Variants in CHRM3 observed in about 807,000 individuals in gnomAD.
The protein encoded by CHRM3 is muscarinic acetylcholine receptor M3.
Under a neutral mutation model 41.8 loss-of-function variants are expected in CHRM3, and 11 were observed. That is an observed-to-expected ratio of 0.26 (90% CI 0.17 to 0.44). CHRM3 has a LOEUF of 0.44. Among genes scored for constraint, CHRM3 ranks in the 20% least tolerant of loss-of-function variants. The pLI is 1.00. For missense variants in CHRM3, 571 were observed against 745.4 expected (o/e 0.77, Z 2.72); for synonymous variants, 297 against 301.4 (o/e 0.99, Z 0.15).
chr1:239,400,958 T>G (rs1414891968), intron 1 of CHRM3, among the ~76,000 whole-genome samples: 1 of 152,162 alleles, frequency 6.6e-6, no homozygotes, highest in Admixed American at 6.6e-5. Flanking sequence ...AGAAGCTCAG[T>G]GAATCCAGGT....
intron 5 of CHRM3, among the ~76,000 whole-genome samples, chr1:239,687,121 TTAA>T (rs1047499899): frequency 6.6e-6 from 1 of 151,598 alleles, no homozygotes; most frequent in Non-Finnish European, 1.5e-5. Context: ...ATACTATATT[TTAA>T]TAATAATAAA....
intron 1 of CHRM3, among the ~76,000 whole-genome samples, chr1:239,437,940 A>G (rs1380821537): frequency 6.6e-6 from 1 of 152,150 alleles, no homozygotes; most frequent in African/African-American, 2.4e-5. Context: ...TATGTTCCTA[A>G]CACTTTGCTC....
At chr1:239,670,504 T>A (rs925426189) in intron 4 of CHRM3, among the ~76,000 whole-genome samples, 1 of 152,074 alleles carries the variant, frequency 6.6e-6, no homozygotes, top group Non-Finnish European at 1.5e-5. Flanking sequence ...TGATGGATAA[T>A]TGTTTTTTGG....
At chr1:239,691,863 C>T (rs956334339) in intron 5 of CHRM3, among the ~76,000 whole-genome samples, 2 of 152,090 alleles carry the variant, frequency 1.3e-5, no homozygotes, top group African/African-American at 4.8e-5. Context: ...ATTTGAGAAT[C>T]CCCCCTAAAG....
rs58433814 is a variant in CHRM3 at position 239,531,639 on chromosome 1, A to ATTTTTTTTTTTTTTTTT, written c.-421-13981_-421-13965dup. On this transcript the variant is annotated intron_variant, in intron 2 of 6. Transcript: ENST00000676153. ...ATAAAAACTAATCTCTCTAGAATGG[A>ATTTTTTTTTTTTTTTTT]TTTTTTTTTTTTTTTTTTTTTTTTT... Among the ~76,000 whole-genome samples, 4 of 55,900 alleles carry ATTTTTTTTTTTTTTTTT rather than the reference A, an allele frequency of 7.2e-5. 1 individual carries two copies. The highest frequency in any genetic ancestry group is 1.2e-4 in the Non-Finnish European group (4 of 33,806). 36.7% of individuals were successfully genotyped at this position (55,900 alleles called of 152,430 possible).
chr1:239,611,608 A>C (rs898097798), intron 3 of CHRM3, among the ~76,000 whole-genome samples: 8 of 151,832 alleles, frequency 5.3e-5, no homozygotes, highest in African/African-American at 1.9e-4. Context: ...TTTAGTAGAG[A>C]TGGGGTTTCA....
At chr1:239,828,041 T>C (rs1056344238) in intron 6 of CHRM3, among the ~76,000 whole-genome samples, 5 of 152,330 alleles carry the variant, frequency 3.3e-5, no homozygotes, top group African/African-American at 1.2e-4. Context: ...ATTAAACACC[T>C]ACTACGTTCT....
At chr1:239,604,168 G>GT (rs1249995887) in intron 3 of CHRM3, among the ~76,000 whole-genome samples, 8 of 152,060 alleles carry the variant, frequency 5.3e-5, no homozygotes, top group African/African-American at 9.7e-5. Context: ...TCATGTCTGT[G>GT]TTTTTTGTGT....
chr1:239,561,209 C>G (rs1660825226), intron 3 of CHRM3, among the ~76,000 whole-genome samples: 1 of 152,196 alleles, frequency 6.6e-6, no homozygotes, highest in African/African-American at 2.4e-5. Flanking sequence ...ACAAGAAATT[C>G]AGTTAATGTC....
At chr1:239,719,351 G>C (rs1396163954) in intron 5 of CHRM3, among the ~76,000 whole-genome samples, 2 of 151,884 alleles carry the variant, frequency 1.3e-5, no homozygotes, top group African/African-American at 4.8e-5. Context: ...TTGCATTCAG[G>C]TAAAACCAAT....
chr1:239,490,583 C>T (rs6703691), intron 1 of CHRM3, among the ~76,000 whole-genome samples: 143,341 of 152,004 alleles, frequency 0.94, 68,173 homozygotes, highest in Non-Finnish European at 1. Context: ...TACTATTTAT[C>T]TTTTGAGATG....
At chr1:239,661,115 G>A (rs980434446) in intron 4 of CHRM3, among the ~76,000 whole-genome samples, 6 of 152,128 alleles carry the variant, frequency 3.9e-5, no homozygotes, top group African/African-American at 1.4e-4. Context: ...TTATATCCCA[G>A]CACCTACCAA....
At chr1:239,812,946 T>A (rs1671231244) in intron 5 of CHRM3, among the ~76,000 whole-genome samples, 1 of 152,192 alleles carries the variant, frequency 6.6e-6, no homozygotes, top group South Asian at 2.1e-4. Context: ...TCCTGAACGG[T>A]CTCTTGCAGA....
At chr1:239,510,131 T>C (rs1275625591) in intron 2 of CHRM3, among the ~76,000 whole-genome samples, 1 of 152,200 alleles carries the variant, frequency 6.6e-6, no homozygotes, top group Non-Finnish European at 1.5e-5. Context: ...GCTATTTACC[T>C]TACCTTTGTG....
chr1:239,521,422 T>C (rs1394006755), intron 2 of CHRM3, among the ~76,000 whole-genome samples: 1 of 152,220 alleles, frequency 6.6e-6, no homozygotes, highest in African/African-American at 2.4e-5. Flanking sequence ...GAAGGCAGCT[T>C]CCTTCCAGAA....
At chr1:239,595,036 C>T (rs1664633313) in intron 3 of CHRM3, among the ~76,000 whole-genome samples, 1 of 152,196 alleles carries the variant, frequency 6.6e-6, no homozygotes, top group Non-Finnish European at 1.5e-5. Context: ...TTATGGTGAG[C>T]CAAGATTGTG....
chr1:239,552,674 A>C (rs1659988479), intron 3 of CHRM3, among the ~76,000 whole-genome samples: 1 of 140,636 alleles, frequency 7.1e-6, no homozygotes, highest in African/African-American at 2.6e-5. Flanking sequence ...TTATTTTTGT[A>C]GAGACGGGGT....
chr1:239,702,693 C>T (rs531752139), intron 5 of CHRM3, among the ~76,000 whole-genome samples: 1 of 152,362 alleles, frequency 6.6e-6, no homozygotes, highest in South Asian at 2.1e-4. Context: ...TCACTGCAGC[C>T]TCTGCCTCCT....
chr1:239,477,571 T>C (rs970444062), intron 1 of CHRM3, among the ~76,000 whole-genome samples: 1 of 152,172 alleles, frequency 6.6e-6, no homozygotes, highest in Non-Finnish European at 1.5e-5. Context: ...TTTAATCAAC[T>C]TTAAATATCT....
Sources: allele counts gnomAD v4.1 joint callset (sites outside exome capture counted in the v4.1 genomes callset), GRCh38; gene constraint gnomAD v4.1.1; transcripts MANE v1.5; gene names NCBI Gene and HGNC (gene_info 2026-07-23, HGNC 2026-07-21).